Variants in ARHGAP39 observed in about 807,000 individuals in gnomAD.
ARHGAP39 encodes Rho GTPase activating protein 39.
In ARHGAP39, 44 loss-of-function variants were observed where a neutral mutation model predicts 106.9. The ratio of observed to expected loss-of-function variants is 0.41; its 90% CI spans 0.32 to 0.53. ARHGAP39 has a LOEUF of 0.53. Among genes scored for constraint, ARHGAP39 ranks in the 20% least tolerant of loss-of-function variants. The probability of loss-of-function intolerance (pLI) is 0.21; values close to 1 mark genes in which losing one functional copy is unlikely to be tolerated. For missense variants in ARHGAP39, 1,496 were observed against 1,577.3 expected (o/e 0.95, Z 0.87); for synonymous variants, 768 against 693.2 (o/e 1.11, Z -1.69).
chr8:144,572,503 A>G (rs1433887287), intron 3 of ARHGAP39, among the ~76,000 whole-genome samples: 1 of 152,250 alleles, frequency 6.6e-6, no homozygotes, highest in East Asian at 1.9e-4. Context: ...CTTACATATT[A>G]GACCTAAAAC....
intron 3 of ARHGAP39, among the ~76,000 whole-genome samples, chr8:144,558,394 G>A (rs1818023298): frequency 6.6e-6 from 1 of 152,064 alleles, no homozygotes; most frequent in Non-Finnish European, 1.5e-5. Context: ...CCAGGTTCAA[G>A]CAATTCTCCT....
rs1818402173 is a variant in ARHGAP39, at chr8:144,566,528, C to G, written c.513-10885G>C. 2.6e-5 allele frequency among the ~76,000 whole-genome samples: 4 copies of G among 152,090 alleles called. No individual in the cohort carries two copies. The South Asian group carries it at 8.3e-4, about 32-fold the overall frequency. On this transcript the variant is annotated intron_variant, in intron 3 of 11. Coordinates refer to ENST00000377307, the MANE Select transcript of ARHGAP39 (RefSeq NM_025251.3). Reference sequence around the variant, plus strand: ...AGAGATCACGCCATTCCACTCCAGCCTGGGTGAAAGAGCCAGACCCTGCCT... The same window carrying G: ...AGAGATCACGCCATTCCACTCCAGCGTGGGTGAAAGAGCCAGACCCTGCCT...
intron 3 of ARHGAP39, among the ~76,000 whole-genome samples, chr8:144,565,267 C>G (rs1350150880): frequency 6.6e-6 from 1 of 150,846 alleles, no homozygotes; most frequent in Non-Finnish European, 1.5e-5. Context: ...AACGGCAAGG[C>G]CTTGCCTCAA....
chr8:144,698,891 G>A, the ARHGAP39 span: 1 of 455,804 alleles, frequency 2.2e-6, no homozygotes, highest in African/African-American at 2.0e-5. Context: ...CCTCCCTTGG[G>A]GGGGTTGGGG....
intron 1 of ARHGAP39, among the ~76,000 whole-genome samples, chr8:144,623,553 G>C (rs1820858733): frequency 6.6e-6 from 1 of 152,258 alleles, no homozygotes; most frequent in Admixed American, 6.5e-5. Context: ...ACCCAGACCT[G>C]ACAGGCGGCC....
rs375309961 is a variant in ARHGAP39 at position 144,556,193 on chromosome 8, G to C, written c.513-550C>G. 8.1e-4 allele frequency among the ~76,000 whole-genome samples: 123 copies of C among 151,864 alleles called. No individual in the cohort carries two copies. The East Asian group carries it at 0.021, about 26-fold the overall frequency. ...CCAGCTACTTGGGAGGCTGAGGCAGGAGAATGGCGTGAACCCGGGAGGCGG... is the reference window on the plus strand; with the variant it reads ...CCAGCTACTTGGGAGGCTGAGGCAGCAGAATGGCGTGAACCCGGGAGGCGG... On this transcript the variant is annotated intron_variant, in intron 3 of 11. Coordinates refer to ENST00000377307, the MANE Select transcript of ARHGAP39 (RefSeq NM_025251.3).
chr8:144,590,376 G>C (rs569800011), intron 2 of ARHGAP39, among the ~76,000 whole-genome samples: 1 of 152,340 alleles, frequency 6.6e-6, no homozygotes, highest in Non-Finnish European at 1.5e-5. Context: ...AGGTGCCTGG[G>C]TCGGGGCAGA....
At chr8:144,666,768 A>T (rs1298188494) in intron 1 of ARHGAP39, among the ~76,000 whole-genome samples, 1 of 152,108 alleles carries the variant, frequency 6.6e-6, no homozygotes. Context: ...TTGAAAATGG[A>T]CTAATACACA....
intron 1 of ARHGAP39, among the ~76,000 whole-genome samples, chr8:144,678,248 C>A (rs1586653954): frequency 1.3e-5 from 2 of 151,398 alleles, no homozygotes; most frequent in South Asian, 2.1e-4. Flanking sequence ...CCAGCCTGGA[C>A]AACCCACCCT....
rs1285812880 is a variant in ARHGAP39 at position 144,547,397 on chromosome 8, C to T, written c.1689G>A (p.Ala563=). The change falls in exon 5 of 12, where the codon GCG becomes GCA. Residue 563 remains alanine, a synonymous_variant. Transcript: ENST00000377307. The surrounding 1 kb of genome is among the most constrained non-coding windows in gnomAD (Gnocchi z 5.2). ...FLAQARLAWE[A]QQAHFHMKQR... ...GCTTCATGTGGAAGTGGGCCTGCTG[C>T]GCCTCCCAGGCCAGCCGAGCCTGCG... The T allele has an allele frequency of 4.4e-6, 7 of 1,593,206 alleles. No homozygotes were observed. Among genetic ancestry groups the T allele is most frequent in the Non-Finnish European group, 5.1e-6 (6 of 1,176,588 alleles).
At chr8:144,583,222 G>A (rs1462823205) in intron 2 of ARHGAP39, among the ~76,000 whole-genome samples, 2 of 151,606 alleles carry the variant, frequency 1.3e-5, no homozygotes, top group Admixed American at 1.3e-4. Context: ...TTTCAGTCCC[G>A]AGGGAGCTGT....
At chr8:144,650,488 T>C (rs948205344) in intron 1 of ARHGAP39, among the ~76,000 whole-genome samples, 13 of 152,106 alleles carry the variant, frequency 8.5e-5, no homozygotes, top group African/African-American at 1.2e-4. Context: ...TTGATGCACA[T>C]TGATGCAAAA....
chr8:144,558,478 A>G (rs915690507), intron 3 of ARHGAP39, among the ~76,000 whole-genome samples: 2 of 152,024 alleles, frequency 1.3e-5, no homozygotes, highest in African/African-American at 4.8e-5. Context: ...TTTTTATTAG[A>G]GACGGGGTTT....
At chr8:144,602,535 C>T (rs577280651) in intron 2 of ARHGAP39, among the ~76,000 whole-genome samples, 2 of 104,332 alleles carry the variant, frequency 1.9e-5, no homozygotes, top group South Asian at 3.2e-4. Context: ...TGCTCGTGTA[C>T]CTGTGTGTGC....
chr8:144,654,149 C>T (rs751115583), intron 1 of ARHGAP39, among the ~76,000 whole-genome samples: 2 of 152,168 alleles, frequency 1.3e-5, no homozygotes, highest in Non-Finnish European at 2.9e-5. Flanking sequence ...TAACTGGAAC[C>T]CTTTACCCAA....
chr8:144,551,812 G>C (rs1817702777), intron 4 of ARHGAP39, among the ~76,000 whole-genome samples: 1 of 152,198 alleles, frequency 6.6e-6, no homozygotes, highest in Non-Finnish European at 1.5e-5. Context: ...CCATGGCTCA[G>C]CTGCCCCTGC....
chr8:144,553,540 GC>G (rs1309683689), intron 4 of ARHGAP39, among the ~76,000 whole-genome samples: 1 of 152,166 alleles, frequency 6.6e-6, no homozygotes, highest in Non-Finnish European at 1.5e-5. Flanking sequence ...CAGGCCACAA[GC>G]CCCCCGAGGC....
intron 1 of ARHGAP39, among the ~76,000 whole-genome samples, chr8:144,681,009 C>T (rs1822402324): frequency 6.6e-6 from 1 of 152,174 alleles, no homozygotes; most frequent in Non-Finnish European, 1.5e-5. Context: ...AAATCCTGGT[C>T]TCAGGTGTCT....
chr8:144,656,714 A>G (rs1008166791), intron 1 of ARHGAP39, among the ~76,000 whole-genome samples: 1 of 147,802 alleles, frequency 6.8e-6, no homozygotes, highest in African/African-American at 2.5e-5. Flanking sequence ...AGGCTGAGAT[A>G]GGAGAATCAC....
Sources: gnomAD v4.1 joint callset for allele counts (sites outside exome capture counted in the v4.1 genomes callset) on GRCh38, gnomAD v4.1.1 for gene constraint, Gnocchi (gnomAD v3.1) non-coding constraint, MANE v1.5 for transcripts, NCBI Gene and HGNC (gene_info 2026-07-23, HGNC 2026-07-21) for gene names.